CCDC191: variants seen among roughly 807,000 people sequenced by gnomAD.
The protein encoded by CCDC191 is coiled-coil domain-containing protein 191.
In CCDC191, 99 loss-of-function variants were observed where a neutral mutation model predicts 114.0. The ratio of observed to expected loss-of-function variants is 0.87; its 90% CI spans 0.74 to 1.03. CCDC191 has a LOEUF of 1.03. Among genes scored for constraint, CCDC191 ranks in the 50% least tolerant of loss-of-function variants. The pLI, the probability that CCDC191 is intolerant of heterozygous loss-of-function variation, is 0.00. For missense variants in CCDC191, 973 were observed against 1,087.0 expected, an observed-to-expected ratio of 0.90 and a Z score of 1.47; for synonymous variants, 351 against 376.0, an observed-to-expected ratio of 0.93 and a Z score of 0.77.
At chr3:114,038,369 T>C (rs1052609987) in intron 4 of CCDC191, among the ~76,000 whole-genome samples, 4 of 152,226 alleles carry the variant, frequency 2.6e-5, no homozygotes, top group African/African-American at 9.6e-5. Flanking sequence ...TGAAAAACTA[T>C]TGCCTAGTGA....
At chr3:113,971,557 A>G (rs1940824576) in intron 16 of CCDC191, among the ~76,000 whole-genome samples, 1 of 152,086 alleles carries the variant, frequency 6.6e-6, no homozygotes, top group South Asian at 2.1e-4. Flanking sequence ...GTTCTTTTCA[A>G]CGTGTTATTG....
chr3:113,970,587 C>CT (rs1940698940), intron 16 of CCDC191, among the ~76,000 whole-genome samples: 1 of 152,196 alleles, frequency 6.6e-6, no homozygotes, highest in South Asian at 2.1e-4. Context: ...TTTTATTATA[C>CT]TTTAAGTTTT....
chr3:114,048,149 C>G (rs1438023860), intron 2 of CCDC191, among the ~76,000 whole-genome samples: 1 of 152,088 alleles, frequency 6.6e-6, no homozygotes, highest in Non-Finnish European at 1.5e-5. Flanking sequence ...CTTTCTCACC[C>G]CACATATAAT....
rs1399555023 is a variant in CCDC191, at chr3:114,056,503, A to G, written c.-37T>C. On this transcript the variant is annotated 5_prime_UTR_variant, in exon 1 of 17. Transcript: ENST00000295878. ...GAGCCCGAACCTCGGCCAAAGCTGC[A>G]GCAACCGCCCTTCTGCCCGGGCTGC... The G allele has an allele frequency of 5.0e-6, 8 of 1,613,802 alleles. 1 individual carries two copies. In the South Asian group the frequency reaches 6.6e-5, roughly 13 times the overall value.
intron 3 of CCDC191, among the ~76,000 whole-genome samples, chr3:114,043,173 T>TA (rs561247874): frequency 4.3e-4 from 66 of 152,182 alleles, no homozygotes; most frequent in Admixed American, 3.0e-3. Flanking sequence ...GGAAGAAAGA[T>TA]AGAGAAGTGA....
At chr3:113,994,552 G>T in intron 13 of CCDC191, among the ~76,000 whole-genome samples, 1 of 148,618 alleles carries the variant, frequency 6.7e-6, no homozygotes, top group South Asian at 2.2e-4. Flanking sequence ...ATTTACCTAA[G>T]TGAATTGAAA....
chr3:113,988,938 T>C (rs2075464564), intron 13 of CCDC191, among the ~76,000 whole-genome samples: 1 of 151,794 alleles, frequency 6.6e-6, no homozygotes, highest in Admixed American at 6.6e-5. Context: ...GGACTACAGG[T>C]GCCCACCACC....
intron 7 of CCDC191, among the ~76,000 whole-genome samples, chr3:114,021,882 T>A (rs2076249059): frequency 6.6e-6 from 1 of 152,178 alleles, no homozygotes; most frequent in Non-Finnish European, 1.5e-5. Flanking sequence ...TCCATTTATT[T>A]CCTAGTTCAT....
At chr3:114,039,578 T>C (rs1390781679) in intron 4 of CCDC191, 1 of 152,100 alleles carries the variant, frequency 6.6e-6, no homozygotes, top group Non-Finnish European at 1.5e-5. Flanking sequence ...GGTAATATTA[T>C]CACAGGAGAT....
Position 114,005,536 on chromosome 3 carries a change from C to T in CCDC191, c.1840G>A (p.Glu614Lys), listed in dbSNP as rs762073735. 14 of 1,611,600 alleles carry T rather than the reference C, an allele frequency of 8.7e-6. No homozygotes were observed. The South Asian group carries it at 1.5e-4, about 18-fold the overall frequency. ...ACAAGCATCTGGCAGGTTCTTGGTT[C>T]CTCTTCTCTGGGCTTTGACAGCAGG... ...SHLLSKPREE[E>K]PRTCQMLVNS... Residue 614 changes from glutamate (E) to lysine (K), a missense_variant, in exon 10 of 17, where the codon GAA (glutamate) becomes AAA (lysine). Transcript: ENST00000295878.
chr3:113,989,075 C>T (rs1302252097), intron 13 of CCDC191, among the ~76,000 whole-genome samples: 1 of 152,176 alleles, frequency 6.6e-6, no homozygotes, highest in Non-Finnish European at 1.5e-5. Flanking sequence ...GGATTACAGG[C>T]GTGAGCCACT....
intron 9 of CCDC191, among the ~76,000 whole-genome samples, chr3:114,007,172 C>A (rs1282671058): frequency 6.6e-6 from 1 of 152,160 alleles, no homozygotes; most frequent in Non-Finnish European, 1.5e-5. Context: ...TTAGAAACAG[C>A]TATCTTGGCC....
intron 12 of CCDC191, 167 bp from the exon 13 acceptor site, chr3:114,001,863 C>G (rs145641275): frequency 4.0e-6 from 3 of 746,642 alleles, no homozygotes; most frequent in South Asian, 4.1e-5. Flanking sequence ...TCATCAGTTA[C>G]GTAACTTAAA....
At chr3:114,037,107 AAAAG>A (rs555951560) in intron 4 of CCDC191, 329 of 160,488 alleles carry the variant, frequency 2.1e-3, no homozygotes, top group African/African-American at 3.8e-3. Context: ...GCTTTCAAAA[AAAAG>A]AAAGAAAGAA....
intron 8 of CCDC191, among the ~76,000 whole-genome samples, chr3:114,016,549 T>C (rs1277385169): frequency 6.6e-6 from 1 of 152,212 alleles, no homozygotes; most frequent in Admixed American, 6.5e-5. Context: ...AAAAAATTAT[T>C]GTAAGTTAAA....
At position 114,002,150 on chromosome 3, in the gene CCDC191, C is replaced by T. The variant is rs537553843; in HGVS notation, c.2061+306G>A. On this transcript the variant is annotated intron_variant, in intron 12 of 16. Transcript: ENST00000295878. ...GGAAAATAAGAACTATCCCTCTTTG[C>T]AAATTCAGTAGGTCAGACATCTACC... Among the ~76,000 whole-genome samples, 29 of 152,274 alleles carry T rather than the reference C, an allele frequency of 1.9e-4. No homozygotes were observed. In the South Asian group the frequency reaches 5.6e-3, roughly 29 times the overall value.
intron 1 of CCDC191, among the ~76,000 whole-genome samples, chr3:114,054,490 A>C (rs1487119997): frequency 6.6e-6 from 1 of 152,132 alleles, no homozygotes; most frequent in Non-Finnish European, 1.5e-5. Flanking sequence ...ACAAAAAATT[A>C]ACCAGGCGTG....
chr3:114,023,277 T>C (rs2107708395), intron 7 of CCDC191, among the ~76,000 whole-genome samples: 1 of 152,326 alleles, frequency 6.6e-6, no homozygotes, highest in South Asian at 2.1e-4. Context: ...ATGGCCATAC[T>C]GCCCAAGGTA....
At chr3:114,043,830 G>A (rs1250302884) in intron 3 of CCDC191, among the ~76,000 whole-genome samples, 1 of 152,158 alleles carries the variant, frequency 6.6e-6, no homozygotes, top group Non-Finnish European at 1.5e-5. Flanking sequence ...TTACAGAAAA[G>A]AATGTTTTGA....
Sources: gnomAD v4.1 joint callset for allele counts (sites outside exome capture counted in the v4.1 genomes callset) on GRCh38, gnomAD v4.1.1 for gene constraint, MANE v1.5 for transcripts, NCBI Gene and HGNC (gene_info 2026-07-23, HGNC 2026-07-21) for gene names.